The following GRM8 variants were observed in gnomAD, a reference collection of about 807,000 sequenced individuals.
The protein encoded by GRM8 is metabotropic glutamate receptor 8.
Under a neutral mutation model 87.2 loss-of-function variants are expected in GRM8, and 47 were observed. The ratio of observed to expected loss-of-function variants is 0.54; its 90% CI spans 0.43 to 0.69. GRM8 has a LOEUF of 0.69. GRM8 is among the 30% of genes least tolerant of loss of function. GRM8 has a pLI of 0.00. For missense variants in GRM8, 1,019 were observed against 1,139.2 expected (o/e 0.89, Z 1.52); for synonymous variants, 396 against 404.5 (o/e 0.98, Z 0.25).
chr7:126,440,609 T>C (rs1169597243), intron 10 of GRM8, among the ~76,000 whole-genome samples: 1 of 152,050 alleles, frequency 6.6e-6, no homozygotes, highest in African/African-American at 2.4e-5. Flanking sequence ...TGTTTAGATA[T>C]GTTTAGATAT....
At chr7:126,578,215 A>T (rs1205963271) in intron 8 of GRM8, among the ~76,000 whole-genome samples, 1 of 152,184 alleles carries the variant, frequency 6.6e-6, no homozygotes, top group Non-Finnish European at 1.5e-5. Context: ...TATATTTCTG[A>T]CATGTAGGTT....
chr7:126,911,458 T>C (rs1162900319), intron 3 of GRM8, among the ~76,000 whole-genome samples: 1 of 152,210 alleles, frequency 6.6e-6, no homozygotes, highest in East Asian at 1.9e-4. Context: ...GTTAAAACTA[T>C]TAAAATATTA....
chr7:126,573,420 C>T (rs957344782), intron 8 of GRM8, among the ~76,000 whole-genome samples: 4 of 151,896 alleles, frequency 2.6e-5, no homozygotes, highest in South Asian at 2.1e-4. Context: ...TGTCAAAAAG[C>T]TGTAACCAAA....
intron 6 of GRM8, among the ~76,000 whole-genome samples, chr7:126,779,077 G>A (rs1369282176): frequency 2.0e-5 from 3 of 151,822 alleles, no homozygotes; most frequent in Non-Finnish European, 2.9e-5. Flanking sequence ...CTATATTATA[G>A]AAAAGCATGG....
intron 8 of GRM8, among the ~76,000 whole-genome samples, chr7:126,564,477 T>C (rs1268169161): frequency 6.6e-6 from 1 of 151,996 alleles, no homozygotes; most frequent in African/African-American, 2.4e-5. Context: ...ATAAACCAGA[T>C]AATCTAAAAG....
intron 3 of GRM8, among the ~76,000 whole-genome samples, chr7:126,920,330 C>T (rs1804385285): frequency 6.6e-6 from 1 of 152,070 alleles, no homozygotes; most frequent in Admixed American, 6.5e-5. Context: ...GCAACCTGAG[C>T]TAAAACACTC....
At chr7:126,719,872 C>G (rs1281314579) in intron 7 of GRM8, among the ~76,000 whole-genome samples, 1 of 137,750 alleles carries the variant, frequency 7.3e-6, no homozygotes, top group Non-Finnish European at 1.5e-5. Flanking sequence ...AAAAGAAATA[C>G]AAGGTATTTA....
chr7:126,765,833 A>T (rs970776489), intron 7 of GRM8, among the ~76,000 whole-genome samples: 3 of 152,126 alleles, frequency 2.0e-5, no homozygotes, highest in Admixed American at 6.6e-5. Context: ...AAACATGAGT[A>T]ATTCTGGATA....
intron 2 of GRM8, among the ~76,000 whole-genome samples, chr7:127,110,287 G>A (rs1406899646): frequency 1.3e-5 from 2 of 152,096 alleles, no homozygotes; most frequent in African/African-American, 4.8e-5. Context: ...CCTATGACAA[G>A]TCTCTGTAGA....
chr7:126,701,001 C>A (rs184347019), intron 7 of GRM8, among the ~76,000 whole-genome samples: 3 of 152,062 alleles, frequency 2.0e-5, no homozygotes, highest in Non-Finnish European at 4.4e-5. Flanking sequence ...CCTTCTCTTC[C>A]ATTCCTTCTT....
intron 3 of GRM8, among the ~76,000 whole-genome samples, chr7:126,958,991 G>A (rs2131666509): frequency 6.6e-6 from 1 of 152,290 alleles, no homozygotes; most frequent in Non-Finnish European, 1.5e-5. Context: ...TCATTTTGTT[G>A]ACTCTCTAAC....
At chr7:126,797,184 T>C (rs1822048484) in intron 6 of GRM8, among the ~76,000 whole-genome samples, 1 of 152,118 alleles carries the variant, frequency 6.6e-6, no homozygotes, top group African/African-American at 2.4e-5. Context: ...TCTTGAGATA[T>C]TCATGGCTTA....
At chr7:126,787,157 A>G (rs143526800) in intron 6 of GRM8, among the ~76,000 whole-genome samples, 189 of 152,314 alleles carry the variant, frequency 1.2e-3, no homozygotes, top group African/African-American at 4.4e-3. Context: ...CTTCACACAG[A>G]AATATTAATG....
chr7:126,524,376 A>T (rs1394525333), intron 9 of GRM8, among the ~76,000 whole-genome samples: 3 of 152,216 alleles, frequency 2.0e-5, no homozygotes, highest in Non-Finnish European at 4.4e-5. Context: ...TTCAAGAAAG[A>T]CTTTGCTCAA....
chr7:126,549,493 C>A (rs1001581684), intron 8 of GRM8, among the ~76,000 whole-genome samples: 1 of 152,014 alleles, frequency 6.6e-6, no homozygotes, highest in African/African-American at 2.4e-5. Flanking sequence ...TCTAAATGGT[C>A]CTGATTGCAC....
chr7:126,969,680 G>A (rs530621149), intron 3 of GRM8, among the ~76,000 whole-genome samples: 5 of 152,178 alleles, frequency 3.3e-5, no homozygotes, highest in African/African-American at 1.2e-4. Context: ...CAAACTTCCT[G>A]TTAATGTTGC....
intron 8 of GRM8, among the ~76,000 whole-genome samples, chr7:126,562,058 G>A (rs184346268): frequency 5.9e-5 from 9 of 152,000 alleles, no homozygotes; most frequent in African/African-American, 1.9e-4. Context: ...ACATCTAATT[G>A]ACACAGTCTT....
intron 6 of GRM8, among the ~76,000 whole-genome samples, chr7:126,785,425 C>T (rs1447906085): frequency 1.3e-5 from 2 of 152,074 alleles, no homozygotes; most frequent in Non-Finnish European, 2.9e-5. Context: ...GTACTTCATA[C>T]CAATTCACCA....
chr7:126,819,247 A>G (rs1794070239), intron 6 of GRM8, among the ~76,000 whole-genome samples: 2 of 124,036 alleles, frequency 1.6e-5, no homozygotes. Flanking sequence ...CCCCTTTCTC[A>G]CTCCCTTCCT....
Sources: gnomAD v4.1 joint callset for allele counts (sites outside exome capture counted in the v4.1 genomes callset) on GRCh38, gnomAD v4.1.1 for gene constraint, MANE v1.5 for transcripts, NCBI Gene and HGNC (gene_info 2026-07-23, HGNC 2026-07-21) for gene names.